Variants in FMN2 observed in about 807,000 individuals in gnomAD.
The protein encoded by FMN2 is formin 2.
Under a neutral mutation model 142.3 loss-of-function variants are expected in FMN2, and 51 were observed. That is an observed-to-expected ratio of 0.36 (90% confidence interval 0.29 to 0.45). FMN2 has a LOEUF of 0.45. Among genes scored for constraint, FMN2 ranks in the 20% least tolerant of loss-of-function variants. The pLI is 1.00. For missense variants in FMN2, 1,936 were observed against 2,122.8 expected (o/e 0.91, Z 1.73); for synonymous variants, 882 against 869.8 (o/e 1.01, Z -0.25).
At chr1:240,332,994 A>G (rs1415297720) in intron 11 of FMN2, among the ~76,000 whole-genome samples, 1 of 152,212 alleles carries the variant, frequency 6.6e-6, no homozygotes, top group Non-Finnish European at 1.5e-5. Flanking sequence ...ACTCATGTCA[A>G]ACTTGATTAT....
intron 2 of FMN2, among the ~76,000 whole-genome samples, chr1:240,127,895 G>A (rs73128565): frequency 0.094 from 14,345 of 152,166 alleles, 799 homozygotes; most frequent in African/African-American, 0.13. Context: ...GGGGCAGGAC[G>A]GTGACAGGGG....
At chr1:240,315,286 A>G (rs919739807) in intron 8 of FMN2, among the ~76,000 whole-genome samples, 1 of 152,238 alleles carries the variant, frequency 6.6e-6, no homozygotes, top group Non-Finnish European at 1.5e-5. Flanking sequence ...GGTTATGACT[A>G]AAGCTGGATC....
intron 7 of FMN2, among the ~76,000 whole-genome samples, chr1:240,291,094 G>A (rs549705711): frequency 2.0e-5 from 3 of 152,232 alleles, no homozygotes; most frequent in Admixed American, 6.5e-5. Context: ...AATTACAGGC[G>A]TGAGCCACCA....
intron 2 of FMN2, among the ~76,000 whole-genome samples, chr1:240,172,280 A>G (rs77724755): frequency 6.6e-6 from 1 of 152,144 alleles, no homozygotes; most frequent in African/African-American, 2.4e-5. Flanking sequence ...TGAATGCAAA[A>G]CTGGTTGACA....
chr1:240,222,855 T>A (rs1178579285), intron 6 of FMN2, among the ~76,000 whole-genome samples: 2 of 152,238 alleles, frequency 1.3e-5, no homozygotes, highest in African/African-American at 4.8e-5. Flanking sequence ...ATCCTGAGAC[T>A]TTGCTGAAGT....
intron 15 of FMN2, among the ~76,000 whole-genome samples, chr1:240,435,239 A>AGCGTTTTTT (rs56807729): frequency 0.11 from 16,076 of 152,090 alleles, 2,013 homozygotes; most frequent in African/African-American, 0.31. Context: ...TTGAAAAGCA[A>AGCGTTTTTT]CCACTTACAG....
chr1:240,106,664 C>T (rs1282878596), intron 1 of FMN2, among the ~76,000 whole-genome samples: 2 of 152,002 alleles, frequency 1.3e-5, no homozygotes, highest in East Asian at 1.9e-4. Context: ...AAATACTCAT[C>T]CCCTCCTTTC....
At chr1:240,210,381 T>C (rs886205147) in intron 5 of FMN2, among the ~76,000 whole-genome samples, 5 of 152,236 alleles carry the variant, frequency 3.3e-5, no homozygotes, top group Non-Finnish European at 7.3e-5. Context: ...AGGTTCGTTT[T>C]CATTTCTTAT....
chr1:240,294,324 A>G (rs998399438), intron 7 of FMN2, among the ~76,000 whole-genome samples: 1 of 152,216 alleles, frequency 6.6e-6, no homozygotes, highest in African/African-American at 2.4e-5. Context: ...AATATAAAAG[A>G]TTCATCCTTT....
At chr1:240,243,584 A>C (rs1667984285) in intron 6 of FMN2, among the ~76,000 whole-genome samples, 1 of 152,242 alleles carries the variant, frequency 6.6e-6, no homozygotes, top group African/African-American at 2.4e-5. Context: ...GGATTACAAA[A>C]TAAAACACTA....
At chr1:240,468,950 G>T (rs576200831) in intron 16 of FMN2, among the ~76,000 whole-genome samples, 1 of 152,162 alleles carries the variant, frequency 6.6e-6, no homozygotes, top group Non-Finnish European at 1.5e-5. Context: ...TTTTCCTGCC[G>T]AAAGTGTGGA....
At chr1:240,251,662 T>A (rs1193375629) in intron 6 of FMN2, among the ~76,000 whole-genome samples, 2 of 152,182 alleles carry the variant, frequency 1.3e-5, no homozygotes, top group Non-Finnish European at 2.9e-5. Context: ...TTGCTGAGAG[T>A]GTGATGTTGA....
chr1:240,468,872 T>C (rs947794109), intron 16 of FMN2, among the ~76,000 whole-genome samples: 1 of 152,138 alleles, frequency 6.6e-6, no homozygotes, highest in Non-Finnish European at 1.5e-5. Context: ...CGTACCGACT[T>C]CTCCCTCATT....
At chr1:240,233,742 G>A (rs1667606859) in intron 6 of FMN2, among the ~76,000 whole-genome samples, 1 of 152,010 alleles carries the variant, frequency 6.6e-6, no homozygotes, top group Non-Finnish European at 1.5e-5. Flanking sequence ...AATTCATTAG[G>A]GATAAAACCA....
chr1:240,392,313 A>G (rs545448925), intron 14 of FMN2, among the ~76,000 whole-genome samples, 198 bp from the exon 15 acceptor site: 1 of 152,286 alleles, frequency 6.6e-6, no homozygotes, highest in Admixed American at 6.5e-5. Flanking sequence ...TCAATATAAT[A>G]AGATCAACTT....
At chr1:240,404,565 A>C (rs1343627778) in intron 15 of FMN2, among the ~76,000 whole-genome samples, 1 of 152,172 alleles carries the variant, frequency 6.6e-6, no homozygotes, top group African/African-American at 2.4e-5. Context: ...ACTACTTCTA[A>C]TCCTGGCAGA....
chr1:240,186,989 G>A (rs182618934), intron 3 of FMN2, among the ~76,000 whole-genome samples: 4 of 151,950 alleles, frequency 2.6e-5, no homozygotes, highest in African/African-American at 4.8e-5. Flanking sequence ...ACTGCTGGCC[G>A]AGCACGGTGG....
At chr1:240,357,454 C>T (rs974416073) in intron 14 of FMN2, among the ~76,000 whole-genome samples, 83 of 152,226 alleles carry the variant, frequency 5.5e-4, no homozygotes, top group Non-Finnish European at 8.8e-4. Flanking sequence ...AGATGATCAG[C>T]CGAATATGAT....
chr1:240,097,658 G>GCTGT (rs1661258851), intron 1 of FMN2, among the ~76,000 whole-genome samples: 1 of 152,112 alleles, frequency 6.6e-6, no homozygotes, highest in Non-Finnish European at 1.5e-5. Flanking sequence ...CCCGGCTATA[G>GCTGT]CTGTCTTTAG....
Sources: allele counts gnomAD v4.1 joint callset (sites outside exome capture counted in the v4.1 genomes callset), GRCh38; gene constraint gnomAD v4.1.1; transcripts MANE v1.5; gene names NCBI Gene and HGNC (gene_info 2026-07-23, HGNC 2026-07-21).